The following FKBP15 variants were observed in gnomAD, a reference collection of about 807,000 sequenced individuals.
FKBP15 encodes the protein FK506-binding protein 15.
FKBP15 carries 106 observed loss-of-function variants against 158.1 expected under a neutral mutation model. The observed-to-expected ratio is 0.67, with a 90% CI of 0.57 to 0.79. The LOEUF (loss-of-function observed/expected upper bound fraction) is 0.79, where lower values mean the gene tolerates loss of function less well. FKBP15 is among the 30% of genes least tolerant of loss of function. FKBP15 has a pLI of 0.00. For missense variants in FKBP15, 1,287 were observed against 1,479.1 expected (o/e 0.87, Z 2.13); for synonymous variants, 547 against 548.6 (o/e 1.00, Z 0.04).
rs12378957 is a variant in FKBP15 at position 113,161,998 on chromosome 9, C to T, written c.*4080G>A. 32,063 of 475,548 alleles carry T rather than the reference C, an allele frequency of 0.067. 1,424 individuals are homozygous for T. The highest frequency in any genetic ancestry group is 0.14 in the South Asian group (7,074 of 52,194). 29.5% of individuals were successfully genotyped at this position (475,548 alleles called of 1,614,324 possible). On this transcript the variant is annotated 3_prime_UTR_variant, in exon 28 of 28. Coordinates refer to ENST00000238256, the MANE Select transcript of FKBP15 (RefSeq NM_015258.2). The stretch of plus-strand genomic sequence containing the variant: ...AATGAGGTGGCCACCCACCCTCCCC[C>T]AAATCTCACCAGTTCCATGGGTCAC...
intron 2 of FKBP15, 75 bp downstream of exon 2, chr9:113,211,402 A>AAC (rs1312961140): frequency 8.6e-7 from 1 of 1,158,130 alleles, no homozygotes; most frequent in African/African-American, 1.6e-5. Context: ...CAGGTGATCC[A>AAC]CCGGCCTCGG....
intron 9 of FKBP15, among the ~76,000 whole-genome samples, chr9:113,196,551 T>TA (rs1275080170): frequency 6.6e-6 from 1 of 151,964 alleles, no homozygotes; most frequent in East Asian, 1.9e-4. Flanking sequence ...GCCTGGCTAA[T>TA]TTTTTGTATT....
rs377071576 is a variant in FKBP15, at chr9:113,169,314, G to A, written c.3395C>T (p.Thr1132Ile). 1.6e-5 allele frequency: 26 copies of A among 1,613,966 alleles called. No homozygotes were observed. The African/African-American group carries it at 2.8e-4, about 17-fold the overall frequency. Residue 1132 changes from threonine to isoleucine, a missense_variant, in exon 26 of 28, where the codon ACC becomes ATC. Physicochemically the swap from Thr to Ile is moderately conservative, Grantham distance 89. Coordinates refer to ENST00000238256, the MANE Select transcript of FKBP15 (RefSeq NM_015258.2). Reference sequence around the variant, plus strand: ...GCTTGACAGCTCCTTGTGGGGACCGGTGGAGCTAGTGACATCATCTTTCTT... The same window carrying A: ...GCTTGACAGCTCCTTGTGGGGACCGATGGAGCTAGTGACATCATCTTTCTT... ...QLKKDDVTSS[T>I]GPHKELSSTE...
At chr9:113,217,208 T>TTTG (rs1831155429) in intron 1 of FKBP15, among the ~76,000 whole-genome samples, 1 of 143,462 alleles carries the variant, frequency 7.0e-6, no homozygotes, top group East Asian at 2.1e-4. Context: ...CCAGTTTTTT[T>TTTG]TTTTTTTTTT....
At chr9:113,205,479 T>C (rs1396587646) in intron 4 of FKBP15, among the ~76,000 whole-genome samples, 1 of 152,162 alleles carries the variant, frequency 6.6e-6, no homozygotes, top group Non-Finnish European at 1.5e-5. Flanking sequence ...ATTCCACACC[T>C]ACTAGAATGG....
rs183259040 is a variant in FKBP15 at position 113,169,731 on chromosome 9, G to A, written c.2978C>T (p.Pro993Leu). The change falls in exon 26 of 28, where the codon CCG (proline) becomes CTG (leucine). Residue 993 changes from proline (P) to leucine (L), a missense_variant. Pro to Leu is a moderately conservative substitution (Grantham distance 98). Transcript: ENST00000238256. ...PSEQVVEEAV[P>L]LPPQALTTSQ... ...AGTGGTGAGGGCCTGAGGAGGCAAC[G>A]GGACAGCTTCCTCGACCACCTGCTC... 1.0e-4 allele frequency: 164 copies of A among 1,613,290 alleles called. 1 individual carries two copies. The South Asian group carries it at 1.2e-3, about 12-fold the overall frequency.
chr9:113,186,141 A>C, intron 15 of FKBP15, 108 bp downstream of exon 15: 1 of 718,526 alleles, frequency 1.4e-6, no homozygotes, highest in Non-Finnish European at 2.4e-6. Context: ...GTTAAAAAAG[A>C]GAAGAAACAA....
chr9:113,168,955 TACCACACTATCACAGGGCCC>T (rs1459998302), intron 26 of FKBP15, among the ~76,000 whole-genome samples: 1 of 107,138 alleles, frequency 9.3e-6, no homozygotes, highest in Admixed American at 9.2e-5. Context: ...CTGCCTTGCC[TACCACACTATCACAGGGCCC>T]ACCACACTAC....
At chr9:113,202,190 C>T (rs1406067154) in intron 6 of FKBP15, among the ~76,000 whole-genome samples, 1 of 152,114 alleles carries the variant, frequency 6.6e-6, no homozygotes, top group African/African-American at 2.4e-5. Flanking sequence ...TGAACCACCA[C>T]ACCCAGCCTA....
In FKBP15 at chr9:113,190,555, C is replaced by T; in HGVS notation, c.1089G>A (p.Lys363=). 1 of 1,611,206 alleles carries T rather than the reference C, an allele frequency of 6.2e-7. No individual in the cohort carries two copies. Among genetic ancestry groups the T allele is most frequent in the South Asian group, 1.1e-5 (1 of 90,314 alleles). ...INTSPDAVKA[K]LISRMAKMGQ... ...CCATTTTAGCCATCCGAGAGATCAACTTGGCTTTGACTGCATCGGGACTCT... is the reference window on the plus strand; with the variant it reads ...CCATTTTAGCCATCCGAGAGATCAATTTGGCTTTGACTGCATCGGGACTCT... The change falls in exon 12 of 28, where the codon AAG becomes AAA. Residue 363 remains lysine (K), a synonymous_variant. Transcript: ENST00000238256.
rs1128117 is a variant in FKBP15 at position 113,171,698 on chromosome 9, G to A, written c.2541C>T (p.Ala847=). Residue 847 remains alanine, a synonymous_variant, in exon 24 of 28, where the codon GCC becomes GCT. Transcript: ENST00000238256. ...KLVQLQEKCL[A]LQAQITALTK... ...TGAGAGCTGTGATTTGGGCCTGGAG[G>A]GCTAAACACTGCAAAACAAACAGAC... 107,658 of 1,589,600 alleles carry A rather than the reference G, an allele frequency of 0.068. 4,249 individuals are homozygous for A. Among genetic ancestry groups the A allele is most frequent in the South Asian group, 0.14 (12,246 of 87,168 alleles).
intron 11 of FKBP15, among the ~76,000 whole-genome samples, chr9:113,193,077 T>C (rs1259702059): frequency 2.0e-5 from 3 of 152,316 alleles, no homozygotes; most frequent in Middle Eastern, 6.8e-3. Flanking sequence ...AAAGGGACTA[T>C]GAGTTCCTTT....
At chr9:113,169,190 C>T in intron 26 of FKBP15, 34 bp downstream of exon 26, 19 of 1,584,016 alleles carry the variant, frequency 1.2e-5, no homozygotes, top group Non-Finnish European at 1.6e-5. Context: ...CAGATAACTA[C>T]CCTGTCCCTG....
rs1380686250 is a variant in FKBP15, at chr9:113,184,538, T to C, written c.1609-139A>G. 27 of 914,730 alleles carry C rather than the reference T, an allele frequency of 3.0e-5. 1 individual carries two copies. In the East Asian group the frequency reaches 5.8e-4, roughly 20 times the overall value. 56.7% of individuals were successfully genotyped at this position (914,730 alleles called of 1,614,324 possible). A position where few individuals can be genotyped will look rare whatever the true frequency, so the allele number is the denominator to read the frequency against. On this transcript the variant is annotated intron_variant, in intron 16 of 27. Coordinates refer to ENST00000238256, the MANE Select transcript of FKBP15 (RefSeq NM_015258.2). The surrounding 1 kb of genome is among the most constrained non-coding windows in gnomAD (Gnocchi z 4.5). ...TAACTGTTAAGTTAGAGTTTTCTCC[T>C]ACTAACTGGATCCCAACATAATTAT... is the stretch of plus-strand genomic sequence containing the variant.
At position 113,163,862 on chromosome 9, in the gene FKBP15, C is replaced by G. The variant is rs553624363; in HGVS notation, c.*2216G>C. On this transcript the variant is annotated 3_prime_UTR_variant, in exon 28 of 28. Transcript: ENST00000238256. ...CTCTATTTATTACTTACTGCTTACT[C>G]GTAATGATCTAGTGGGGAAACATGA... 6.6e-6 allele frequency: 1 copy of G among 152,618 alleles called. No individual in the cohort carries two copies. The highest frequency in any genetic ancestry group is 2.4e-5 in the African/African-American group (1 of 41,460). The allele number at this position is 152,618 out of a possible 1,614,324, so 9.5% of individuals were successfully genotyped here. A position where few individuals can be genotyped will look rare whatever the true frequency, so the allele number is the denominator to read the frequency against.
At chr9:113,192,335 C>A (rs891700100) in intron 11 of FKBP15, among the ~76,000 whole-genome samples, 3 of 152,196 alleles carry the variant, frequency 2.0e-5, no homozygotes, top group African/African-American at 7.2e-5. Context: ...CAATTTCACT[C>A]CATGCAACTA....
rs1056660801 is a variant in FKBP15, at chr9:113,171,484, A to G, written c.2658+97T>C. On this transcript the variant is annotated intron_variant, in intron 24 of 27. Coordinates refer to ENST00000238256, the MANE Select transcript of FKBP15 (RefSeq NM_015258.2). The stretch of plus-strand genomic sequence containing the variant: ...GTCATCAGACAAGTAAAACATCACT[A>G]AAGTTAGAAAAAGAGCTATTAACAC... 5 of 1,403,802 alleles carry G rather than the reference A, an allele frequency of 3.6e-6. No homozygotes were observed. The African/African-American group carries it at 5.8e-5, about 16-fold the overall frequency. The allele number at this position is 1,403,802 out of a possible 1,614,324, so 87.0% of individuals were successfully genotyped here.
intron 14 of FKBP15, chr9:113,186,962 C>T (rs1830495627): frequency 6.6e-6 from 1 of 152,108 alleles, no homozygotes; most frequent in South Asian, 2.1e-4. Flanking sequence ...AGATAGTAAG[C>T]GCTTAATAAA....
At position 113,193,539 on chromosome 9, in the gene FKBP15, G is replaced by A; in HGVS notation, c.1018C>T (p.Leu340Phe). 4 of 1,598,648 alleles carry A rather than the reference G, an allele frequency of 2.5e-6. No individual in the cohort carries two copies. Among genetic ancestry groups the A allele is most frequent in the Middle Eastern group, 1.7e-4 (1 of 6,044 alleles). The change falls in exon 11 of 28, where the codon CTT becomes TTT. Residue 340 changes from leucine (L) to phenylalanine (F), a missense_variant. Physicochemically the swap from Leu to Phe is conservative, Grantham distance 22. Coordinates refer to ENST00000238256, the MANE Select transcript of FKBP15 (RefSeq NM_015258.2). ...SIPFKSGEPALRTKSNSLSEQ... is the reference protein window; with the variant it reads ...SIPFKSGEPAFRTKSNSLSEQ... ...CTGAGGGAGTTAGATTTGGTACGAA[G>A]AGCTGGCTCCCTGAAAGCAAATAGA...
Sources: gnomAD v4.1 joint callset for allele counts (sites outside exome capture counted in the v4.1 genomes callset) on GRCh38, gnomAD v4.1.1 for gene constraint, Gnocchi (gnomAD v3.1) non-coding constraint, MANE v1.5 for transcripts, NCBI Gene and HGNC (gene_info 2026-07-23, HGNC 2026-07-21) for gene names.